Variants in ADGRL2 observed in about 807,000 individuals in gnomAD.
ADGRL2 encodes the protein calcium-independent alpha-latrotoxin receptor 2.
In ADGRL2, 44 loss-of-function variants were observed where a neutral mutation model predicts 157.4. That is an observed-to-expected ratio of 0.28 (90% CI 0.22 to 0.36). The LOEUF (loss-of-function observed/expected upper bound fraction) is 0.36. Ranked by LOEUF, ADGRL2 falls within the 10% of genes least tolerant of loss-of-function variation. The pLI is 1.00. For synonymous variants in ADGRL2, 585 were observed against 624.7 expected (o/e 0.94, Z 0.95); for missense variants, 1,510 against 1,768.9 (o/e 0.85, Z 2.63).
chr1:81,322,111 C>CATATATATATATATATATATAT (rs1660554914), intron 1 of ADGRL2, among the ~76,000 whole-genome samples: 1 of 74,578 alleles, frequency 1.3e-5, no homozygotes, highest in Non-Finnish European at 2.9e-5. Flanking sequence ...TATATATATA[C>CATATATATATATATATATATAT]ACATATATAT....
chr1:81,903,807 T>TTA (rs10544342), intron 2 of ADGRL2, among the ~76,000 whole-genome samples: 43,696 of 128,208 alleles, frequency 0.34, 8,002 homozygotes, highest in East Asian at 0.73. Flanking sequence ...TATACACATT[T>TTA]TATATACACA....
At chr1:81,588,336 A>C (rs1347891256) in intron 3 of ADGRL2, 1 of 152,326 alleles carries the variant, frequency 6.6e-6, no homozygotes, top group Non-Finnish European at 1.5e-5. Flanking sequence ...AATAGCAGCC[A>C]CTGCAGGCCA....
At chr1:81,757,599 A>C (rs1209304610) in intron 1 of ADGRL2, among the ~76,000 whole-genome samples, 1 of 152,182 alleles carries the variant, frequency 6.6e-6, no homozygotes, top group Non-Finnish European at 1.5e-5. Context: ...TTTTTTGTCT[A>C]TAAATCTTCT....
At chr1:81,925,336 C>T (rs2095079265) in intron 3 of ADGRL2, among the ~76,000 whole-genome samples, 1 of 151,730 alleles carries the variant, frequency 6.6e-6, no homozygotes, top group South Asian at 2.1e-4. Flanking sequence ...CACAAAATAT[C>T]CTATGAGTTT....
At chr1:81,486,304 A>G (rs545231928) in intron 2 of ADGRL2, among the ~76,000 whole-genome samples, 6 of 152,282 alleles carry the variant, frequency 3.9e-5, no homozygotes, top group Admixed American at 6.5e-5. Context: ...AAGGTCAGGA[A>G]CCAAGCTATT....
chr1:81,654,656 C>A (rs1443677146), intron 3 of ADGRL2, among the ~76,000 whole-genome samples: 1 of 152,214 alleles, frequency 6.6e-6, no homozygotes, highest in African/African-American at 2.4e-5. Flanking sequence ...CATCGTCCCT[C>A]TGCCTTTTTT....
chr1:81,762,316 T>C (rs1400477121), intron 2 of ADGRL2, among the ~76,000 whole-genome samples: 2 of 152,158 alleles, frequency 1.3e-5, no homozygotes, highest in Non-Finnish European at 2.9e-5. Flanking sequence ...TCTGTGAATT[T>C]TAAAATATTT....
intron 1 of ADGRL2, among the ~76,000 whole-genome samples, chr1:81,709,978 G>T (rs2149072203): frequency 6.6e-6 from 1 of 152,276 alleles, no homozygotes; most frequent in African/African-American, 2.4e-5. Context: ...GATTTAATTA[G>T]TTGATTAATC....
chr1:81,866,379 C>G (rs1448138418), intron 2 of ADGRL2, among the ~76,000 whole-genome samples: 1 of 152,110 alleles, frequency 6.6e-6, no homozygotes, highest in Non-Finnish European at 1.5e-5. Context: ...CCACTATAAA[C>G]TCTATGTATA....
intron 2 of ADGRL2, chr1:81,501,975 C>G: frequency 6.2e-7 from 1 of 1,613,100 alleles, no homozygotes. Flanking sequence ...GGCAGCACTC[C>G]CTTAGGTCCC....
intron 2 of ADGRL2, among the ~76,000 whole-genome samples, chr1:81,857,497 A>G (rs2093241569): frequency 6.6e-6 from 1 of 152,188 alleles, no homozygotes; most frequent in Non-Finnish European, 1.5e-5. Context: ...CGGACATCTT[A>G]CTTAACTCTC....
intron 3 of ADGRL2, chr1:81,596,276 C>T (rs2081231546): frequency 1.8e-6 from 1 of 571,140 alleles, no homozygotes; most frequent in Non-Finnish European, 3.4e-6. Flanking sequence ...CGAAATGATC[C>T]CATGTCTTAG....
Position 81,985,311 on chromosome 1 carries a change from C to A in ADGRL2, c.3464C>A (p.Ser1155Tyr), listed in dbSNP as rs1485370132. The change falls in exon 21 of 24, where the codon TCT becomes TAT. Residue 1155 changes from serine to tyrosine, a missense_variant. Ser to Tyr is a moderately radical substitution (Grantham distance 144). Around this residue, in one of 4 missense-constraint regions of ADGRL2, gnomAD observed 497 missense variants for 627.2 expected, o/e 0.79. Coordinates refer to ENST00000686636, the MANE Select transcript of ADGRL2 (RefSeq NM_001366006.2). ...ACTGTGAGAAAACAATCAGAATCTT[C>A]TTTTATCTCAGGTGACATCAATAGC... ...NDTVRKQSES[S>Y]FISGDINSTS... 6.2e-7 allele frequency: 1 copy of A among 1,607,532 alleles called. No homozygotes were observed. Among genetic ancestry groups the A allele is most frequent in the African/African-American group, 1.3e-5 (1 of 74,628 alleles).
intron 1 of ADGRL2, among the ~76,000 whole-genome samples, chr1:81,397,413 G>A (rs546862561): frequency 1.2e-4 from 17 of 138,812 alleles, no homozygotes; most frequent in South Asian, 1.2e-3. Flanking sequence ...TCCGCCTCCC[G>A]GGTTCACGCC....
At chr1:81,380,248 AT>A (rs1182999352) in intron 1 of ADGRL2, among the ~76,000 whole-genome samples, 2 of 152,078 alleles carry the variant, frequency 1.3e-5, no homozygotes, top group African/African-American at 4.8e-5. Flanking sequence ...TCTTTTGTGA[AT>A]TTTCAGTTCA....
rs1394665217 is a variant in ADGRL2, at chr1:81,683,966, G to A, written c.-142-77845G>A. ...TGAGTAGCTTGGATTACAGGCGCACGCCACCATGCCCGGCTCATTTTTTTA... is the reference window on the plus strand; with the variant it reads ...TGAGTAGCTTGGATTACAGGCGCACACCACCATGCCCGGCTCATTTTTTTA... On this transcript the variant is annotated intron_variant, in intron 3 of 24. Coordinates refer to the ADGRL2 transcript ENST00000370721. Among the ~76,000 whole-genome samples the A allele has an allele frequency of 3.3e-5, 5 of 152,096 alleles. No individual in the cohort carries two copies. In the South Asian group the frequency reaches 6.3e-4, roughly 19 times the overall value.
chr1:81,400,972 T>A (rs1369323754), intron 1 of ADGRL2, among the ~76,000 whole-genome samples: 1 of 152,144 alleles, frequency 6.6e-6, no homozygotes, highest in Non-Finnish European at 1.5e-5. Flanking sequence ...GGCAACATTT[T>A]CTCAGGGAAC....
chr1:81,650,587 A>G (rs934503037), intron 3 of ADGRL2, among the ~76,000 whole-genome samples: 3 of 151,648 alleles, frequency 2.0e-5, no homozygotes, highest in African/African-American at 7.3e-5. Context: ...AAAAAAAAAA[A>G]AAAAAAGAAA....
At chr1:81,636,585 C>T (rs1030336465) in intron 3 of ADGRL2, among the ~76,000 whole-genome samples, 3 of 152,072 alleles carry the variant, frequency 2.0e-5, no homozygotes, top group East Asian at 1.9e-4. Context: ...ACCATGTTCT[C>T]GGGAGCTTTA....
Sources: gnomAD v4.1 joint callset for allele counts (sites outside exome capture counted in the v4.1 genomes callset) on GRCh38, gnomAD v4.1.1 for gene constraint, gnomAD v4.1.1 regional missense constraint, MANE v1.5 for transcripts, NCBI Gene and HGNC (gene_info 2026-07-23, HGNC 2026-07-21) for gene names.